Variants in MACROD1 observed in about 807,000 individuals in gnomAD.
The protein encoded by MACROD1 is mono-ADP ribosylhydrolase 1.
In MACROD1, 31 loss-of-function variants were observed where a neutral mutation model predicts 41.4. That is an observed-to-expected ratio of 0.75 (90% CI 0.56 to 1.01). MACROD1 has a LOEUF of 1.01. Ranked by LOEUF, MACROD1 falls within the 50% of genes least tolerant of loss-of-function variation. The pLI is 0.00. For missense variants in MACROD1, 473 were observed against 460.0 expected, an observed-to-expected ratio of 1.03 and a Z score of -0.26; for synonymous variants, 252 against 203.4, an observed-to-expected ratio of 1.24 and a Z score of -2.03.
intron 3 of MACROD1, chr11:64,118,495 G>A (rs1945038409): frequency 2.0e-6 from 1 of 511,274 alleles, no homozygotes; most frequent in Non-Finnish European, 3.4e-6. Context: ...TAGAAGGCAG[G>A]AGGGGGAATT....
intron 3 of MACROD1, among the ~76,000 whole-genome samples, chr11:64,079,022 C>T (rs1331273016): frequency 6.7e-6 from 1 of 149,386 alleles, no homozygotes; most frequent in Non-Finnish European, 1.5e-5. Context: ...GGTGATGGGA[C>T]TGGGTTCCCA....
chr11:64,027,758 A>G (rs1943240718), intron 3 of MACROD1, among the ~76,000 whole-genome samples: 1 of 151,946 alleles, frequency 6.6e-6, no homozygotes, highest in Non-Finnish European at 1.5e-5. Context: ...TCGGCCTACA[A>G]TTTCCGTGGG....
chr11:64,019,516 T>C (rs902795565), intron 3 of MACROD1, among the ~76,000 whole-genome samples: 1 of 152,160 alleles, frequency 6.6e-6, no homozygotes, highest in Non-Finnish European at 1.5e-5. Flanking sequence ...GTGGCCGCTG[T>C]CCAGCGAAAG....
intron 3 of MACROD1, among the ~76,000 whole-genome samples, chr11:64,062,087 G>A (rs894559600): frequency 9.2e-5 from 14 of 151,480 alleles, no homozygotes; most frequent in African/African-American, 3.2e-4. Flanking sequence ...TCTCTGCCTG[G>A]GGGATGTCTG....
rs1945796022 is a variant in MACROD1, at chr11:64,163,944, G to A, written c.298+1753C>T. On this transcript the variant is annotated intron_variant, in intron 1 of 10. Transcript: ENST00000255681. ...CTGGCCCACTGTCACTCAATAACGG[G>A]TCTGGAATATCATTACCCAGCTGGA... is the stretch of plus-strand genomic sequence containing the variant. Among the ~76,000 whole-genome samples, 6 of 152,122 alleles carry A rather than the reference G, an allele frequency of 3.9e-5. No homozygotes were observed. In the South Asian group the frequency reaches 1.2e-3, roughly 32 times the overall value.
At chr11:64,084,433 C>T (rs1944358047) in intron 3 of MACROD1, among the ~76,000 whole-genome samples, 1 of 152,168 alleles carries the variant, frequency 6.6e-6, no homozygotes, top group Non-Finnish European at 1.5e-5. Flanking sequence ...CCCCTCCCTG[C>T]ACTGTGGGCA....
chr11:64,108,520 T>G (rs1417082088), intron 3 of MACROD1, among the ~76,000 whole-genome samples: 3 of 152,140 alleles, frequency 2.0e-5, no homozygotes, highest in African/African-American at 7.2e-5. Context: ...TCTGTCTTAT[T>G]TGCAGTTGAG....
intron 3 of MACROD1, among the ~76,000 whole-genome samples, chr11:64,028,718 A>T (rs1590813166): frequency 8.5e-6 from 1 of 118,024 alleles, no homozygotes; most frequent in African/African-American, 3.2e-5. Flanking sequence ...CAGTGCCCCC[A>T]GCCTCAGCGG....
rs896205084 is a variant in MACROD1, at chr11:64,067,218, TG to T, written c.518-51938del. ...CCAAGGAGATGGCAGATGGGAGGGG[TG>T]GGGAGAGGCCTTGCATGGCACCCAC... On this transcript the variant is annotated intron_variant, in intron 3 of 10. Transcript: ENST00000255681. This position sits in a 1 kb window ranked among gnomAD's most constrained non-coding sequence, Gnocchi z 4.6. 6.6e-6 allele frequency among the ~76,000 whole-genome samples: 1 copy of T among 151,020 alleles called. No homozygotes were observed. Among genetic ancestry groups the T allele is most frequent in the Admixed American group, 6.6e-5 (1 of 15,188 alleles).
chr11:64,056,722 G>A (rs1046094616), intron 3 of MACROD1, among the ~76,000 whole-genome samples: 3 of 152,214 alleles, frequency 2.0e-5, no homozygotes, highest in East Asian at 1.9e-4. Context: ...CAGAGAACCC[G>A]GCAGGGGTGT....
At chr11:64,150,926 C>G (rs1272073571) in intron 3 of MACROD1, among the ~76,000 whole-genome samples, 1 of 152,210 alleles carries the variant, frequency 6.6e-6, no homozygotes, top group Non-Finnish European at 1.5e-5. Flanking sequence ...CTGTGGCCCC[C>G]CAAGGTCAGA....
intron 3 of MACROD1, among the ~76,000 whole-genome samples, chr11:64,026,628 A>T (rs1019613937): frequency 1.3e-5 from 2 of 152,202 alleles, no homozygotes; most frequent in African/African-American, 4.8e-5. Flanking sequence ...TTCCCTGCTT[A>T]AAATTCTCCA....
chr11:64,089,333 C>T (rs1437109027), intron 3 of MACROD1, among the ~76,000 whole-genome samples: 5 of 152,156 alleles, frequency 3.3e-5, no homozygotes, highest in South Asian at 2.1e-4. Flanking sequence ...GCCAGGGATT[C>T]GGACCCAAAC....
At chr11:64,145,325 A>T (rs1276947191) in intron 3 of MACROD1, among the ~76,000 whole-genome samples, 2 of 151,982 alleles carry the variant, frequency 1.3e-5, no homozygotes, top group Non-Finnish European at 2.9e-5. Context: ...TGCAGAATTA[A>T]TTGGTCCCTG....
At chr11:64,162,186 T>A (rs1166756785) in intron 1 of MACROD1, among the ~76,000 whole-genome samples, 3 of 151,870 alleles carry the variant, frequency 2.0e-5, no homozygotes, top group Non-Finnish European at 2.9e-5. Flanking sequence ...TACAAAAAAA[T>A]ACAAAAAATT....
chr11:64,008,766 C>T (rs534416892), intron 4 of MACROD1, among the ~76,000 whole-genome samples: 27 of 152,214 alleles, frequency 1.8e-4, no homozygotes, highest in African/African-American at 6.3e-4. Context: ...GCAGTTTGAG[C>T]GGGGTCGCTA....
chr11:64,024,471 A>C (rs1353226200), intron 3 of MACROD1, among the ~76,000 whole-genome samples: 2 of 152,032 alleles, frequency 1.3e-5, no homozygotes, highest in Non-Finnish European at 2.9e-5. Flanking sequence ...CTGGGTCTGA[A>C]TTGGGCTGTC....
intron 3 of MACROD1, among the ~76,000 whole-genome samples, chr11:64,054,518 T>C (rs1023367061): frequency 6.6e-6 from 1 of 152,002 alleles, no homozygotes; most frequent in African/African-American, 2.4e-5. Context: ...TTGCATCTTC[T>C]CTCTGCTCAG....
chr11:64,042,628 C>A (rs1057458711), intron 3 of MACROD1, among the ~76,000 whole-genome samples: 3 of 152,116 alleles, frequency 2.0e-5, no homozygotes, highest in African/African-American at 7.2e-5. Flanking sequence ...CCCTTCCCTG[C>A]CTCACTGGGG....
Sources: gnomAD v4.1 joint callset for allele counts (sites outside exome capture counted in the v4.1 genomes callset) on GRCh38, gnomAD v4.1.1 for gene constraint, Gnocchi (gnomAD v3.1) non-coding constraint, MANE v1.5 for transcripts, NCBI Gene and HGNC (gene_info 2026-07-23, HGNC 2026-07-21) for gene names.